The following RSPH14 variants were observed in gnomAD, a reference collection of about 807,000 sequenced individuals.
The protein encoded by RSPH14 is rhabdoid tumor deletion region gene 1.
RSPH14 carries 20 observed loss-of-function variants against 26.7 expected under a neutral mutation model. The observed-to-expected ratio is 0.75, with a 90% CI of 0.53 to 1.09. The LOEUF is 1.09. Among genes scored for constraint, RSPH14 ranks in the 50% least tolerant of loss-of-function variants. The pLI is 0.00. For synonymous variants in RSPH14, 177 were observed against 189.3 expected, an observed-to-expected ratio of 0.93 and a Z score of 0.53; for missense variants, 449 against 457.2, an observed-to-expected ratio of 0.98 and a Z score of 0.16.
At chr22:23,153,499 G>A in the RSPH14 span, 1 of 923,438 alleles carries the variant, frequency 1.1e-6, no homozygotes. Flanking sequence ...GCAGGTTGCT[G>A]CTGAGCTCTG....
chr22:23,102,682 G>A (rs1244695388), intron 4 of RSPH14, among the ~76,000 whole-genome samples: 1 of 152,212 alleles, frequency 6.6e-6, no homozygotes, highest in Non-Finnish European at 1.5e-5. Flanking sequence ...TGGCTCTGTC[G>A]TTCAGTGCAT....
intron 4 of RSPH14, among the ~76,000 whole-genome samples, chr22:23,119,985 G>A (rs2069965331): frequency 6.6e-6 from 1 of 152,198 alleles, no homozygotes; most frequent in Admixed American, 6.6e-5. Flanking sequence ...GCAAAGCAAG[G>A]GGAGTCCTGG....
At position 23,134,852 on chromosome 22, in the gene RSPH14, G is replaced by A. The variant is rs12168185; in HGVS notation, c.303-708C>T. ...TGCCCTCCAGCCTGGGTGACAGAAT[G>A]AGACTGTCTCAAAAAAGACAAAAAA... On this transcript the variant is annotated intron_variant, in intron 3 of 6. Transcript: ENST00000216036. 6.5e-3 allele frequency among the ~76,000 whole-genome samples: 985 copies of A among 152,192 alleles called. 14 individuals are homozygous for A. The highest frequency in any genetic ancestry group is 0.023 in the African/African-American group (940 of 41,510).
At chr22:23,073,169 A>C (rs1199356696) in intron 4 of RSPH14, among the ~76,000 whole-genome samples, 1 of 152,240 alleles carries the variant, frequency 6.6e-6, no homozygotes, top group Non-Finnish European at 1.5e-5. Flanking sequence ...GCTGCTGACC[A>C]TGGCAGGTGC....
intron 4 of RSPH14, among the ~76,000 whole-genome samples, chr22:23,069,729 G>C (rs2068292172): frequency 6.6e-6 from 1 of 152,076 alleles, no homozygotes; most frequent in Non-Finnish European, 1.5e-5. Flanking sequence ...GGCGGCGGCA[G>C]AGATGACTAA....
At chr22:23,159,309 C>T in the RSPH14 span, 1 of 1,464,496 alleles carries the variant, frequency 6.8e-7, no homozygotes, top group Non-Finnish European at 9.3e-7. Flanking sequence ...TTGGGCCAGT[C>T]CTGTGGGGCC....
chr22:23,146,662 C>A (rs148744836), upstream of RSPH14: 2 of 1,613,980 alleles, frequency 1.2e-6, no homozygotes, highest in Non-Finnish European at 8.5e-7. Context: ...GAGCCGCGAC[C>A]GTGTCATCGC....
chr22:23,150,019 A>G, upstream of RSPH14: 1 of 1,489,890 alleles, frequency 6.7e-7, no homozygotes, highest in Non-Finnish European at 9.2e-7. Flanking sequence ...GGGCGGAGCC[A>G]CAGCTTTGCA....
intron 4 of RSPH14, among the ~76,000 whole-genome samples, chr22:23,116,057 TCAAA>T (rs1263918437): frequency 4.6e-5 from 7 of 152,170 alleles, no homozygotes; most frequent in African/African-American, 1.7e-4. Flanking sequence ...AACAAAACAG[TCAAA>T]CAGGTGCCAG....
intron 5 of RSPH14, among the ~76,000 whole-genome samples, chr22:23,063,599 G>A (rs966583913): frequency 2.6e-5 from 4 of 152,186 alleles, no homozygotes; most frequent in African/African-American, 7.2e-5. Context: ...CTCAGTGACC[G>A]CTGGGTGTCA....
chr22:23,061,644 G>A (rs2068094705), intron 6 of RSPH14, among the ~76,000 whole-genome samples, 165 bp downstream of exon 6: 2 of 151,978 alleles, frequency 1.3e-5, no homozygotes, highest in Admixed American at 1.3e-4. Flanking sequence ...CTGGGCCTTG[G>A]ACCCAACCTT....
intron 4 of RSPH14, among the ~76,000 whole-genome samples, chr22:23,129,592 A>G (rs984360565): frequency 2.0e-5 from 3 of 150,248 alleles, no homozygotes; most frequent in East Asian, 2.0e-4. Flanking sequence ...GGCCAGAGGG[A>G]AAAAAAATCA....
intron 4 of RSPH14, among the ~76,000 whole-genome samples, chr22:23,110,690 ACT>A (rs1442288648): frequency 6.6e-6 from 1 of 151,930 alleles, no homozygotes; most frequent in Non-Finnish European, 1.5e-5. Flanking sequence ...GTGGTGTGAG[ACT>A]CTGAGGGTGA....
chr22:23,059,527 G>T lies in RSPH14; in HGVS notation c.982C>A (p.Gln328Lys), dbSNP rs1367368710. The change falls in exon 7 of 7, where the codon CAA becomes AAA. Residue 328 changes from glutamine (Q) to lysine (K), a missense_variant. By Grantham distance (53) the Gln-to-Lys change is moderately conservative. Transcript: ENST00000216036. ...AMEVETYEKP[Q>K]VAEALQRAAR... is the part of the protein sequence containing the mutation. ...GCCCGCTGTAAGGCTTCGGCCACTT[G>T]AGGCTTTTCGTAAGTCTCCACCTCC... The T allele has an allele frequency of 4.3e-6, 7 of 1,614,212 alleles. No individual in the cohort carries two copies. In the East Asian group the frequency reaches 1.6e-4, roughly 36 times the overall value.
chr22:23,136,117 G>A, intron 3 of RSPH14: 1 of 605,920 alleles, frequency 1.7e-6, no homozygotes, highest in Non-Finnish European at 3.0e-6. Context: ...CTTGGTCCGT[G>A]TCTAGTCACC....
At chr22:23,107,780 G>A (rs1480455824) in intron 4 of RSPH14, among the ~76,000 whole-genome samples, 3 of 152,308 alleles carry the variant, frequency 2.0e-5, no homozygotes, top group South Asian at 2.1e-4. Flanking sequence ...CAGAATACGG[G>A]ATCAGATAGT....
chr22:23,101,786 A>T (rs968299458), intron 4 of RSPH14, among the ~76,000 whole-genome samples: 12 of 152,278 alleles, frequency 7.9e-5, no homozygotes, highest in Admixed American at 5.2e-4. Flanking sequence ...GCTCCCAAGG[A>T]CTGGACAGCC....
rs1160735540 is a variant in RSPH14, at chr22:23,134,113, C to T, written c.334G>A (p.Ala112Thr). The T allele has an allele frequency of 6.2e-7, 1 of 1,612,758 alleles. No homozygotes were observed. The highest frequency in any genetic ancestry group is 1.1e-5 in the South Asian group (1 of 91,032). Residue 112 changes from alanine (A) to threonine (T), a missense_variant, in exon 4 of 7, where the codon GCC becomes ACC. Transcript: ENST00000216036. ...GGGTCATTCAGCAGGAAGGACAGGG[C>T]AAGGACGATGTCGTGCTCTAGAAAG... Reference protein sequence around the residue: ...YAFLEHDIVLALSFLLNDPSP... With the variant: ...YAFLEHDIVLTLSFLLNDPSP...
At chr22:23,130,489 GGAAAGAAAAAGAAAGAAA>G (rs2070329395) in intron 4 of RSPH14, among the ~76,000 whole-genome samples, 1 of 3,752 alleles carries the variant, frequency 2.7e-4, no homozygotes, top group African/African-American at 8.7e-4. Context: ...AAAGAAAGAA[GGAAAGAAAAAGAAAGAAA>G]GAAAGAAAGA....
Sources: allele counts gnomAD v4.1 joint callset (sites outside exome capture counted in the v4.1 genomes callset), GRCh38; gene constraint gnomAD v4.1.1; transcripts MANE v1.5; gene names NCBI Gene and HGNC (gene_info 2026-07-23, HGNC 2026-07-21).